The following CNTN5 variants were observed in gnomAD, a reference collection of about 807,000 sequenced individuals.
The protein encoded by CNTN5 is contactin-5.
Under a neutral mutation model 129.1 loss-of-function variants are expected in CNTN5, and 77 were observed. That is an observed-to-expected ratio of 0.60 (90% CI 0.50 to 0.72). The LOEUF (loss-of-function observed/expected upper bound fraction) is 0.72, where lower values mean the gene tolerates loss of function less well. CNTN5 is among the 30% of genes least tolerant of loss of function. CNTN5 has a pLI of 0.00. For missense variants in CNTN5, 1,478 were observed against 1,328.8 expected, an observed-to-expected ratio of 1.11 and a Z score of -1.75; for synonymous variants, 509 against 465.6, an observed-to-expected ratio of 1.09 and a Z score of -1.20.
At chr11:99,616,569 T>C (rs925872235) in intron 3 of CNTN5, among the ~76,000 whole-genome samples, 1 of 152,200 alleles carries the variant, frequency 6.6e-6, no homozygotes, top group African/African-American at 2.4e-5. Context: ...TTTCTTATAA[T>C]CTAGTAGAGA....
In CNTN5 at chr11:99,399,141, A is replaced by G. The variant is rs566794299; in HGVS notation, c.-71+73657A>G. Reference sequence around the variant, plus strand: ...TTTCCCTGACAAATTATGGGGCTACATAAGCATTTGTGGAATAAAAAAAAC... The same window carrying G: ...TTTCCCTGACAAATTATGGGGCTACGTAAGCATTTGTGGAATAAAAAAAAC... On this transcript the variant is annotated intron_variant, in intron 2 of 24. Coordinates refer to ENST00000524871, the MANE Select transcript of CNTN5 (RefSeq NM_014361.4). Among the ~76,000 whole-genome samples, 28 of 126,266 alleles carry G rather than the reference A, an allele frequency of 2.2e-4. 1 individual carries two copies. Among genetic ancestry groups the G allele is most frequent in the Admixed American group, 1.8e-3 (20 of 11,082 alleles). 82.8% of individuals were successfully genotyped at this position (126,266 alleles called of 152,430 possible).
At chr11:99,468,654 CT>C (rs36091167) in intron 2 of CNTN5, among the ~76,000 whole-genome samples, 122,649 of 145,192 alleles carry the variant, frequency 0.84, 51,803 homozygotes, top group East Asian at 0.98. Flanking sequence ...GAGTTTTCAC[CT>C]TTTTTTTTTT....
chr11:100,056,905 T>G (rs1943252222), intron 9 of CNTN5, among the ~76,000 whole-genome samples: 1 of 151,722 alleles, frequency 6.6e-6, no homozygotes, highest in African/African-American at 2.4e-5. Flanking sequence ...GAATGACAAC[T>G]AACAAAAGCT....
chr11:99,926,555 G>T (rs1022635413), intron 7 of CNTN5, among the ~76,000 whole-genome samples: 6 of 152,006 alleles, frequency 3.9e-5, no homozygotes, highest in South Asian at 2.1e-4. Context: ...AATTTAAAAT[G>T]ATGTAATTAC....
chr11:99,886,810 G>A (rs771913712), intron 6 of CNTN5, among the ~76,000 whole-genome samples: 5 of 152,190 alleles, frequency 3.3e-5, no homozygotes, highest in African/African-American at 4.8e-5. Flanking sequence ...AGCATTGAGT[G>A]CAAGCAAGTT....
intron 2 of CNTN5, among the ~76,000 whole-genome samples, chr11:99,413,199 A>G (rs1942478797): frequency 6.6e-6 from 1 of 152,228 alleles, no homozygotes; most frequent in African/African-American, 2.4e-5. Context: ...GGGAAGGTAT[A>G]ATGTTAAAGA....
chr11:99,852,606 A>T (rs544309082), intron 6 of CNTN5, among the ~76,000 whole-genome samples: 1 of 152,344 alleles, frequency 6.6e-6, no homozygotes, highest in African/African-American at 2.4e-5. Context: ...AAGTACAACC[A>T]AACAGGTACT....
intron 1 of CNTN5, among the ~76,000 whole-genome samples, chr11:99,124,845 A>G (rs1053007027): frequency 6.6e-6 from 1 of 152,096 alleles, no homozygotes; most frequent in Non-Finnish European, 1.5e-5. Context: ...AAGTTTTTGA[A>G]CACAAACTAG....
chr11:99,735,198 T>G (rs2135123352), intron 3 of CNTN5, among the ~76,000 whole-genome samples: 1 of 136,000 alleles, frequency 7.4e-6, no homozygotes, highest in African/African-American at 2.9e-5. Flanking sequence ...CTAAGGTGTG[T>G]TAGTTAAACA....
intron 23 of CNTN5, among the ~76,000 whole-genome samples, chr11:100,348,501 G>A (rs1305003398): frequency 1.3e-5 from 2 of 151,850 alleles, no homozygotes; most frequent in Non-Finnish European, 2.9e-5. Context: ...TTCAACTCTA[G>A]AACATTAGAT....
intron 1 of CNTN5, among the ~76,000 whole-genome samples, chr11:99,066,407 T>C (rs1329849987): frequency 6.6e-6 from 1 of 152,144 alleles, no homozygotes; most frequent in Non-Finnish European, 1.5e-5. Context: ...CCCAGCAAGC[T>C]AATATTTATT....
chr11:99,429,371 A>G (rs1468644256), intron 2 of CNTN5, among the ~76,000 whole-genome samples: 2 of 152,198 alleles, frequency 1.3e-5, no homozygotes, highest in African/African-American at 2.4e-5. Flanking sequence ...TAAGACTTTT[A>G]TTCCACCCCT....
At chr11:99,303,609 C>T (rs1181226276) in intron 1 of CNTN5, among the ~76,000 whole-genome samples, 1 of 151,454 alleles carries the variant, frequency 6.6e-6, no homozygotes, top group Non-Finnish European at 1.5e-5. Flanking sequence ...CTACTAAACA[C>T]TGGCTGTACC....
At chr11:99,050,520 A>G (rs1004439065) in intron 1 of CNTN5, among the ~76,000 whole-genome samples, 10 of 151,906 alleles carry the variant, frequency 6.6e-5, no homozygotes, top group Non-Finnish European at 1.3e-4. Context: ...ACAAAAAGCC[A>G]TACTTTAAGG....
At position 99,297,565 on chromosome 11, in the gene CNTN5, G is replaced by A. The variant is rs569484419; in HGVS notation, c.-209-27781G>A. On this transcript the variant is annotated intron_variant, in intron 1 of 24. Coordinates refer to ENST00000524871, the MANE Select transcript of CNTN5 (RefSeq NM_014361.4). ...ACTTCAATGGATTGTTGTTCACTTG[G>A]AACATTCCACTGTAAGTTATCATTA... Among the ~76,000 whole-genome samples, 4 of 152,188 alleles carry A rather than the reference G, an allele frequency of 2.6e-5. No homozygotes were observed. In the South Asian group the frequency reaches 6.2e-4, roughly 24 times the overall value.
intron 2 of CNTN5, among the ~76,000 whole-genome samples, chr11:99,462,360 C>T (rs796644763): frequency 4.6e-4 from 58 of 125,222 alleles, no homozygotes; most frequent in East Asian, 8.9e-4. Context: ...CTTTTCTTTT[C>T]TTTTTTTTTT....
chr11:100,240,099 G>T (rs1208187882), intron 16 of CNTN5, among the ~76,000 whole-genome samples: 2 of 152,146 alleles, frequency 1.3e-5, no homozygotes, highest in African/African-American at 4.8e-5. Context: ...TCAGCTCACA[G>T]ATGTTAAGTC....
At chr11:99,263,997 C>A (rs1446403688) in intron 1 of CNTN5, among the ~76,000 whole-genome samples, 1 of 151,930 alleles carries the variant, frequency 6.6e-6, no homozygotes, top group Non-Finnish European at 1.5e-5. Flanking sequence ...GTTTACAGTT[C>A]TGGCTGTATT....
intron 7 of CNTN5, among the ~76,000 whole-genome samples, chr11:99,937,560 T>A (rs1565697128): frequency 6.6e-6 from 1 of 152,188 alleles, no homozygotes; most frequent in Non-Finnish European, 1.5e-5. Flanking sequence ...CGGTTCAGGT[T>A]ATGTCAACAA....
Sources: gnomAD v4.1 joint callset for allele counts (sites outside exome capture counted in the v4.1 genomes callset) on GRCh38, gnomAD v4.1.1 for gene constraint, MANE v1.5 for transcripts, NCBI Gene and HGNC (gene_info 2026-07-23, HGNC 2026-07-21) for gene names.